ATP2C2: variants seen among roughly 807,000 people sequenced by gnomAD.
ATP2C2 encodes ATPase secretory pathway Ca2+ transporting 2, also known as calcium-transporting ATPase type 2C member 2.
A neutral mutation model predicts 110.8 loss-of-function variants in ATP2C2; 171 were observed. That is an observed-to-expected ratio of 1.54 (90% CI 1.36 to 1.75). ATP2C2 has a LOEUF of 1.75. Among genes scored for constraint, ATP2C2 ranks in the 40% most tolerant of loss-of-function variants. The probability of loss-of-function intolerance (pLI) is 0.00; values close to 1 mark genes in which losing one functional copy is unlikely to be tolerated. For missense variants in ATP2C2, 1,963 were observed against 1,235.0 expected (o/e 1.59, Z -8.84); for synonymous variants, 804 against 508.4 (o/e 1.58, Z -7.82).
chr16:84,452,155 G>T lies in ATP2C2; in HGVS notation c.1831+64G>T, dbSNP rs1910345380. 3 of 1,587,030 alleles carry T rather than the reference G, an allele frequency of 1.9e-6. No homozygotes were observed. In the South Asian group the frequency reaches 3.4e-5, roughly 18 times the overall value. On this transcript the variant is annotated intron_variant, in intron 18 of 26. Transcript: ENST00000262429. ...CATCCATCCTTTACGATGGGGGGCT[G>T]CTACCAAAGGGAAGCCTCCGCAAAC...
chr16:84,442,563 G>A lies in ATP2C2; in HGVS notation c.1365G>A (p.Gln455=), dbSNP rs756084060. 1 of 1,614,116 alleles carries A rather than the reference G, an allele frequency of 6.2e-7. No homozygotes were observed. The highest frequency in any genetic ancestry group is 1.3e-5 in the African/African-American group (1 of 75,052). Reference sequence around the variant, plus strand: ...TCAGAAAGAACGCCGTGATGGGGCAGCCCACCGAGGGTGCATTGATGGCCC... The same window carrying A: ...TCAGAAAGAACGCCGTGATGGGGCAACCCACCGAGGGTGCATTGATGGCCC... ...AVIRKNAVMG[Q]PTEGALMALA... The change falls in exon 15 of 27, where the codon CAG becomes CAA. Residue 455 remains glutamine (Q), a synonymous_variant. Transcript: ENST00000262429.
At chr16:84,383,767 T>G (rs1424902524) in intron 1 of ATP2C2, among the ~76,000 whole-genome samples, 61 of 92,302 alleles carry the variant, frequency 6.6e-4, no homozygotes, top group South Asian at 1.9e-3. Flanking sequence ...GTGTTGGGGG[T>G]GGGGGTGTTG....
At position 84,408,263 on chromosome 16, in the gene ATP2C2, C is replaced by G. The variant is rs1003530043; in HGVS notation, c.328-142C>G. ...AGGACCACTGCATGGGGGTGGTCTC[C>G]CCAGCCCTCGGTCACCATGGTGTTG... On this transcript the variant is annotated intron_variant, in intron 3 of 26. Transcript: ENST00000262429. 4.0e-6 allele frequency: 3 copies of G among 753,492 alleles called. No homozygotes were observed. The African/African-American group carries it at 5.2e-5, about 13-fold the overall frequency. The allele number at this position is 753,492 out of a possible 1,614,324, so 46.7% of individuals were successfully genotyped here.
chr16:84,448,912 G>C (rs1188182023), intron 17 of ATP2C2, among the ~76,000 whole-genome samples: 8 of 152,140 alleles, frequency 5.3e-5, no homozygotes, highest in Admixed American at 5.2e-4. Flanking sequence ...CCAGAGAAGA[G>C]GGTACCCTCC....
chr16:84,403,310 T>A (rs184686944), intron 2 of ATP2C2, among the ~76,000 whole-genome samples: 97 of 152,264 alleles, frequency 6.4e-4, no homozygotes, highest in African/African-American at 2.2e-3. Context: ...CATCTTAACC[T>A]TGTTATTTTT....
At chr16:84,449,602 G>A (rs966374115) in intron 17 of ATP2C2, among the ~76,000 whole-genome samples, 2 of 152,214 alleles carry the variant, frequency 1.3e-5, no homozygotes, top group African/African-American at 4.8e-5. Context: ...TTCGGTGGCA[G>A]AGAAGCCAGG....
chr16:84,412,396 GTGTGTCTGTGCA>G (rs1004889675), intron 6 of ATP2C2, among the ~76,000 whole-genome samples: 1 of 144,184 alleles, frequency 6.9e-6, no homozygotes, highest in South Asian at 2.2e-4. Flanking sequence ...ATGTGTCTGT[GTGTGTCTGTGCA>G]TGTGTCTGTG....
intron 1 of ATP2C2, among the ~76,000 whole-genome samples, chr16:84,372,454 G>C (rs12598714): frequency 0.34 from 51,230 of 151,894 alleles, 9,437 homozygotes; most frequent in East Asian, 0.48. Context: ...TTTCTTTCGA[G>C]ACAGTGTCTC....
At chr16:84,420,237 G>T (rs1005317499) in intron 7 of ATP2C2, among the ~76,000 whole-genome samples, 6 of 152,018 alleles carry the variant, frequency 3.9e-5, no homozygotes. Context: ...CTCCTCCATG[G>T]AGTATCATCT....
chr16:84,411,933 C>A (rs979336473), intron 6 of ATP2C2, among the ~76,000 whole-genome samples: 2 of 151,678 alleles, frequency 1.3e-5, no homozygotes, highest in African/African-American at 4.8e-5. Flanking sequence ...TTCTTTCTTT[C>A]CTTTCTTTTC....
chr16:84,441,083 G>A (rs1384021056), intron 14 of ATP2C2, 125 bp downstream of exon 14: 3 of 832,646 alleles, frequency 3.6e-6, no homozygotes, highest in Non-Finnish European at 5.9e-6. Context: ...ATCCAGGGGT[G>A]AGGCTGGCAC....
intron 2 of ATP2C2, among the ~76,000 whole-genome samples, chr16:84,400,625 C>A (rs368638572): frequency 6.6e-6 from 1 of 152,182 alleles, no homozygotes; most frequent in Non-Finnish European, 1.5e-5. Context: ...CCGCGCCCAG[C>A]GTATTTTTAG....
chr16:84,411,808 C>T (rs1381615392), intron 6 of ATP2C2, among the ~76,000 whole-genome samples: 4 of 152,218 alleles, frequency 2.6e-5, no homozygotes, highest in Non-Finnish European at 1.5e-5. Flanking sequence ...GACCTAGTGG[C>T]TACCATATTG....
At chr16:84,423,086 A>C (rs751168529) in intron 9 of ATP2C2, 102 bp from the exon 10 acceptor site, 1 of 952,826 alleles carries the variant, frequency 1.0e-6, no homozygotes, top group Non-Finnish European at 1.7e-6. Context: ...CCCCTGTGTA[A>C]TCATCACTGA....
intron 3 of ATP2C2, among the ~76,000 whole-genome samples, chr16:84,407,003 T>A (rs1254684902): frequency 6.6e-6 from 1 of 152,222 alleles, no homozygotes; most frequent in Non-Finnish European, 1.5e-5. Flanking sequence ...CTCATTCATC[T>A]TATAGCTTGT....
At chr16:84,390,475 C>G (rs959486564) in intron 1 of ATP2C2, among the ~76,000 whole-genome samples, 1 of 152,206 alleles carries the variant, frequency 6.6e-6, no homozygotes, top group Non-Finnish European at 1.5e-5. Context: ...GGAGGCTGCG[C>G]TCACCGTCGC....
intron 2 of ATP2C2, among the ~76,000 whole-genome samples, chr16:84,402,036 G>A (rs956983117): frequency 6.6e-6 from 1 of 152,080 alleles, no homozygotes; most frequent in Non-Finnish European, 1.5e-5. Context: ...TCATTGTAGA[G>A]ATCTTTTACT....
At chr16:84,447,444 C>T (rs1326994387) in intron 16 of ATP2C2, among the ~76,000 whole-genome samples, 1 of 151,904 alleles carries the variant, frequency 6.6e-6, no homozygotes, top group Non-Finnish European at 1.5e-5. Flanking sequence ...CACCACCCAC[C>T]CAGAGGTAAT....
In ATP2C2 at chr16:84,451,955, G is replaced by A. The variant is rs776108865; in HGVS notation, c.1695G>A (p.Arg565=). 19 of 1,613,958 alleles carry A rather than the reference G, an allele frequency of 1.2e-5. No individual in the cohort carries two copies. The highest frequency in any genetic ancestry group is 1.4e-5 in the Non-Finnish European group (16 of 1,180,028). ...LALASGPELG[R]LTFLGLVGII... is the part of the protein sequence containing the mutation. Reference sequence around the variant, plus strand: ...TGGCTTCTGGGCCCGAGCTGGGGCGGCTGACGTTTCTCGGTCTTGTGGGCA... The same window carrying A: ...TGGCTTCTGGGCCCGAGCTGGGGCGACTGACGTTTCTCGGTCTTGTGGGCA... Residue 565 remains arginine, a synonymous_variant, in exon 18 of 27, where the codon CGG becomes CGA. Transcript: ENST00000262429.
Sources: gnomAD v4.1 joint callset for allele counts (sites outside exome capture counted in the v4.1 genomes callset) on GRCh38, gnomAD v4.1.1 for gene constraint, MANE v1.5 for transcripts, NCBI Gene and HGNC (gene_info 2026-07-23, HGNC 2026-07-21) for gene names.